BEND6: variants seen among roughly 807,000 people sequenced by gnomAD.
BEND6 encodes the protein BEN domain containing 6.
BEND6 carries 24 observed loss-of-function variants against 31.8 expected under a neutral mutation model. The observed-to-expected ratio is 0.75, with a 90% confidence interval of 0.55 to 1.06. The LOEUF (loss-of-function observed/expected upper bound fraction) is 1.06. Among genes scored for constraint, BEND6 ranks in the 50% least tolerant of loss-of-function variants. The probability of loss-of-function intolerance (pLI) is 0.00; values close to 1 mark genes in which losing one functional copy is unlikely to be tolerated. For synonymous variants in BEND6, 109 were observed against 114.6 expected (o/e 0.95, Z 0.31); for missense variants, 294 against 327.4 (o/e 0.90, Z 0.79).
intron 2 of BEND6, among the ~76,000 whole-genome samples, chr6:56,991,428 G>A (rs755945591): frequency 6.6e-5 from 10 of 151,774 alleles, no homozygotes; most frequent in African/African-American, 1.9e-4. Context: ...AGGGTGGAGC[G>A]CAGTGGTACC....
chr6:56,977,104 G>A (rs1193177392), intron 1 of BEND6, among the ~76,000 whole-genome samples: 1 of 152,192 alleles, frequency 6.6e-6, no homozygotes, highest in Non-Finnish European at 1.5e-5. Flanking sequence ...TGTTAGCCAA[G>A]AAGGAAAACC....
intron 1 of BEND6, among the ~76,000 whole-genome samples, chr6:56,964,305 A>G (rs987015215): frequency 6.6e-6 from 1 of 152,184 alleles, no homozygotes; most frequent in South Asian, 2.1e-4. Flanking sequence ...TACCAATAAA[A>G]AAGAGTATCT....
At chr6:56,968,142 T>C (rs1189094674) in intron 1 of BEND6, among the ~76,000 whole-genome samples, 1 of 152,162 alleles carries the variant, frequency 6.6e-6, no homozygotes, top group African/African-American at 2.4e-5. Context: ...TGAAAACACA[T>C]GATATCACTG....
At chr6:56,996,529 G>A (rs1826720323) in intron 3 of BEND6, among the ~76,000 whole-genome samples, 1 of 151,836 alleles carries the variant, frequency 6.6e-6, no homozygotes, top group African/African-American at 2.4e-5. Flanking sequence ...TTCCTGCCTG[G>A]GCCTCTCTAA....
At chr6:57,021,338 A>G (rs1593032544) in intron 6 of BEND6, among the ~76,000 whole-genome samples, 1 of 152,270 alleles carries the variant, frequency 6.6e-6, no homozygotes, top group Non-Finnish European at 1.5e-5. Context: ...CATTTAACTC[A>G]CAGGAGCCTA....
At chr6:57,009,647 T>C (rs1204274051) in intron 3 of BEND6, 2 of 152,176 alleles carry the variant, frequency 1.3e-5, no homozygotes, top group African/African-American at 4.8e-5. Flanking sequence ...CAGGAACATC[T>C]TGTCATATCA....
intron 1 of BEND6, among the ~76,000 whole-genome samples, chr6:56,976,304 T>G (rs1163390678): frequency 1.4e-5 from 2 of 148,102 alleles, no homozygotes; most frequent in Non-Finnish European, 3.0e-5. Context: ...CACGCCATTC[T>G]CCTTCCTCAG....
intron 6 of BEND6, 101 bp downstream of exon 6, chr6:57,018,658 A>ATTTT: frequency 1.7e-6 from 2 of 1,168,338 alleles, no homozygotes; most frequent in Non-Finnish European, 2.2e-6. Flanking sequence ...ACTAGAAAAT[A>ATTTT]CTAGTGACCC....
intron 3 of BEND6, chr6:57,008,335 A>G (rs1021979467): frequency 6.0e-6 from 4 of 667,600 alleles, no homozygotes; most frequent in Admixed American, 4.5e-5. Flanking sequence ...AGCCCATGCA[A>G]GGCTACTACT....
intron 1 of BEND6, among the ~76,000 whole-genome samples, chr6:56,956,526 T>G (rs1825040178): frequency 6.6e-6 from 1 of 152,252 alleles, no homozygotes; most frequent in Non-Finnish European, 1.5e-5. Context: ...ACAGATACGT[T>G]TTGTTTACAG....
chr6:57,009,802 C>A (rs1268630147), intron 3 of BEND6: 1 of 152,134 alleles, frequency 6.6e-6, no homozygotes. Context: ...TGCATGAGTT[C>A]ACAGTGGTAT....
intron 3 of BEND6, among the ~76,000 whole-genome samples, chr6:57,007,428 T>C (rs1827198039): frequency 6.6e-6 from 1 of 151,894 alleles, no homozygotes; most frequent in Non-Finnish European, 1.5e-5. Flanking sequence ...ACAATGAAAC[T>C]ACTAGAAGAA....
Position 56,992,493 on chromosome 6 carries a change from A to T in BEND6, c.236A>T (p.Glu79Val). 1.2e-6 allele frequency: 2 copies of T among 1,614,236 alleles called. No homozygotes were observed. The highest frequency in any genetic ancestry group is 1.7e-6 in the Non-Finnish European group (2 of 1,180,038). Residue 79 changes from glutamate (E) to valine (V), a missense_variant, in exon 3 of 7, where the codon GAA (glutamate) becomes GTA (valine). Coordinates refer to ENST00000370746, the MANE Select transcript of BEND6 (RefSeq NM_152731.3). Reference sequence around the variant, plus strand: ...TGCGCCAAAATAAAAAGCCTGAAAGAAAAACTAACAAACACCCGGAAAGAA... The same window carrying T: ...TGCGCCAAAATAAAAAGCCTGAAAGTAAAACTAACAAACACCCGGAAAGAA... The part of the protein sequence containing the change: ...ELCAKIKSLK[E>V]KLTNTRKENS...
At chr6:56,991,360 AG>A (rs1225309048) in intron 2 of BEND6, among the ~76,000 whole-genome samples, 2 of 151,282 alleles carry the variant, frequency 1.3e-5, no homozygotes, top group Non-Finnish European at 2.9e-5. Flanking sequence ...TACTTTCTGG[AG>A]GTTTTTTTTT....
intron 3 of BEND6, chr6:57,010,149 G>A (rs1445645405): frequency 6.6e-6 from 1 of 152,154 alleles, no homozygotes; most frequent in African/African-American, 2.4e-5. Context: ...CAACCCTTCA[G>A]ATCTAACTAC....
At chr6:56,956,839 G>A (rs1191526195) in intron 1 of BEND6, among the ~76,000 whole-genome samples, 2 of 152,216 alleles carry the variant, frequency 1.3e-5, no homozygotes, top group African/African-American at 4.8e-5. Context: ...AAAATCCTGA[G>A]AGTTTGCAAT....
intron 3 of BEND6, among the ~76,000 whole-genome samples, chr6:57,005,640 A>G (rs1316281862): frequency 6.6e-6 from 1 of 151,552 alleles, no homozygotes; most frequent in Non-Finnish European, 1.5e-5. Flanking sequence ...AGATCGCCCC[A>G]CTGCACTCCA....
intron 2 of BEND6, among the ~76,000 whole-genome samples, chr6:56,987,970 A>G (rs1419955967): frequency 6.6e-6 from 1 of 151,014 alleles, no homozygotes; most frequent in African/African-American, 2.4e-5. Flanking sequence ...CTTTAAAACT[A>G]TTTTTTAAAC....
In BEND6 at chr6:56,992,364, G is replaced by A. The variant is rs1826536628; in HGVS notation, c.121-14G>A. On this transcript the variant is annotated splice_polypyrimidine_tract_variant and intron_variant, in intron 2 of 6. Transcript: ENST00000370746. ...CTATGAGGCTTCTTTTATTGTGCCT[G>A]CCTTCTATTTTAGAGAGACCCATAT... is the stretch of plus-strand genomic sequence containing the variant. 2 of 1,584,014 alleles carry A rather than the reference G, an allele frequency of 1.3e-6. No homozygotes were observed. The highest frequency in any genetic ancestry group is 1.2e-5 in the South Asian group (1 of 85,138).
Sources: allele counts gnomAD v4.1 joint callset (sites outside exome capture counted in the v4.1 genomes callset), GRCh38; gene constraint gnomAD v4.1.1; transcripts MANE v1.5; gene names NCBI Gene and HGNC (gene_info 2026-07-23, HGNC 2026-07-21).